Variants in PCDHGB3 observed in about 807,000 individuals in gnomAD.
PCDHGB3 encodes protocadherin gamma-B3.
Under a neutral mutation model 59.2 loss-of-function variants are expected in PCDHGB3, and 40 were observed. The observed-to-expected ratio is 0.68, with a 90% CI of 0.52 to 0.88. The LOEUF is 0.88. Ranked by LOEUF, PCDHGB3 falls within the 40% of genes least tolerant of loss-of-function variation. The pLI is 0.00. For synonymous variants in PCDHGB3, 581 were observed against 503.6 expected (o/e 1.15, Z -2.06); for missense variants, 1,309 against 1,187.9 (o/e 1.10, Z -1.50).
rs535002528 is a variant in PCDHGB3 at position 141,396,788 on chromosome 5, T to C, written c.2415+23979T>C. On this transcript the variant is annotated intron_variant, in intron 1 of 3. Transcript: ENST00000576222. ...GTTTGTTATTAATGAAAAGGACATT[T>C]CCTAAGGATTGTGTAGTGTTCTACT... Among the ~76,000 whole-genome samples, 53 of 152,322 alleles carry C rather than the reference T, an allele frequency of 3.5e-4. 2 individuals are homozygous for C. Among genetic ancestry groups the C allele is most frequent in the Admixed American group, 3.3e-3 (50 of 15,300 alleles).
In PCDHGB3 at chr5:141,370,889, T is replaced by C; in HGVS notation, c.495T>C (p.Asn165=). ...CGCAAGATCCTGATGTAGGTGTCAATTCGCTGCAGCAGTACTACCTCAGCC... is the reference window on the plus strand; with the variant it reads ...CGCAAGATCCTGATGTAGGTGTCAACTCGCTGCAGCAGTACTACCTCAGCC... ...ESAQDPDVGV[N]SLQQYYLSPD... Residue 165 remains asparagine (N), a synonymous_variant, in exon 1 of 4, where the codon AAT becomes AAC. Coordinates refer to ENST00000576222, the MANE Select transcript of PCDHGB3 (RefSeq NM_018924.5). 2.5e-6 allele frequency: 4 copies of C among 1,614,040 alleles called. No individual in the cohort carries two copies. Among genetic ancestry groups the C allele is most frequent in the Non-Finnish European group, 3.4e-6 (4 of 1,179,904 alleles).
rs762443906 is a variant in PCDHGB3, at chr5:141,374,173, G to C, written c.2415+1364G>C. The C allele has an allele frequency of 3.1e-6, 5 of 1,613,352 alleles. No homozygotes were observed. The South Asian group carries it at 4.4e-5, about 14-fold the overall frequency. ...CGCTGTGGGGGGCCGCGGCAGCGCA[G>C]ATCCGCTACTCTATTCCCGAGGAGC... On this transcript the variant is annotated intron_variant, in intron 1 of 3. Coordinates refer to ENST00000576222, the MANE Select transcript of PCDHGB3 (RefSeq NM_018924.5).
In PCDHGB3 at chr5:141,408,826, T is replaced by C. The variant is rs138252575; in HGVS notation, c.2415+36017T>C. ...TAGACCGGGAAGAACAGAGATCTCA[T>C]AGCTTGATATTGACTGCCTTGGACG... On this transcript the variant is annotated intron_variant, in intron 1 of 3. Coordinates refer to ENST00000576222, the MANE Select transcript of PCDHGB3 (RefSeq NM_018924.5). The C allele has an allele frequency of 6.1e-5, 98 of 1,613,582 alleles. No homozygotes were observed. The African/African-American group carries it at 9.9e-4, about 16-fold the overall frequency.
chr5:141,381,823 CTTCT>C (rs1777510060), intron 1 of PCDHGB3, among the ~76,000 whole-genome samples: 4 of 101,610 alleles, frequency 3.9e-5, no homozygotes, highest in African/African-American at 4.3e-5. Flanking sequence ...TTTCTTTCTT[CTTCT>C]TTTTTTTTTT....
chr5:141,411,765 T>A (rs796485295), intron 1 of PCDHGB3: 1 of 152,418 alleles, frequency 6.6e-6, no homozygotes, highest in South Asian at 2.1e-4. Context: ...GCCTGTGGTC[T>A]CAGCTACTCT....
At position 141,487,010 on chromosome 5, in the gene PCDHGB3, GC is replaced by G. The variant is rs2099638172; in HGVS notation, c.2416-7793del. ...TTGGGTTTCCTATCAGCTCCTGGAG[GC>G]CCCAGATCCCAGCCTGTTTGCAGTC... is the stretch of plus-strand genomic sequence containing the variant. On this transcript the variant is annotated intron_variant, in intron 1 of 3. Coordinates refer to ENST00000576222, the MANE Select transcript of PCDHGB3 (RefSeq NM_018924.5). This position sits in a 1 kb window ranked among gnomAD's most constrained non-coding sequence, Gnocchi z 5.0. 6.2e-7 allele frequency: 1 copy of G among 1,614,096 alleles called. No individual in the cohort carries two copies. Among genetic ancestry groups the G allele is most frequent in the Non-Finnish European group, 8.5e-7 (1 of 1,180,056 alleles).
intron 1 of PCDHGB3, among the ~76,000 whole-genome samples, chr5:141,453,993 A>T (rs2098779172): frequency 6.6e-6 from 1 of 152,234 alleles, no homozygotes; most frequent in African/African-American, 2.4e-5. Flanking sequence ...CCAGTGATAA[A>T]CCCACATAAC....
chr5:141,438,651 CAT>C (rs2098045358), intron 1 of PCDHGB3, among the ~76,000 whole-genome samples: 1 of 83,744 alleles, frequency 1.2e-5, no homozygotes, highest in East Asian at 3.2e-4. Context: ...CACACACACA[CAT>C]ATATGTATAT....
At chr5:141,460,010 G>A (rs376180479) in intron 1 of PCDHGB3, among the ~76,000 whole-genome samples, 1 of 152,126 alleles carries the variant, frequency 6.6e-6, no homozygotes, top group Admixed American at 6.5e-5. Context: ...CCCAGGAGGC[G>A]GAGGTTGCAG....
intron 1 of PCDHGB3, chr5:141,390,885 TGTGA>T (rs2092262333): frequency 6.5e-6 from 1 of 152,688 alleles, no homozygotes; most frequent in African/African-American, 2.4e-5. Flanking sequence ...TGTGTGTGTG[TGTGA>T]GAGAGATCCT....
chr5:141,402,091 G>C (rs1453803021), intron 1 of PCDHGB3, among the ~76,000 whole-genome samples: 2 of 152,088 alleles, frequency 1.3e-5, no homozygotes, highest in Non-Finnish European at 2.9e-5. Context: ...TAGCAGAAAA[G>C]TTTAAGCAAT....
chr5:141,410,849 C>G, intron 1 of PCDHGB3: 1 of 136,716 alleles, frequency 7.3e-6, no homozygotes, highest in Non-Finnish European at 1.2e-5. Flanking sequence ...TTGTCTTTGT[C>G]TTTTTTTTTT....
At chr5:141,405,054 C>T (rs773491411) in intron 1 of PCDHGB3, 7 of 1,613,806 alleles carry the variant, frequency 4.3e-6, no homozygotes, top group Admixed American at 1.7e-5. Flanking sequence ...GCAGTCGTCT[C>T]CTGTGTCTTC....
intron 1 of PCDHGB3, chr5:141,388,977 G>A (rs1299469066): frequency 6.2e-7 from 1 of 1,613,990 alleles, no homozygotes; most frequent in African/African-American, 1.3e-5. Context: ...AACACATATT[G>A]CTTTGCTCAA....
In PCDHGB3 at chr5:141,370,831, C is replaced by T. The variant is rs1445899321; in HGVS notation, c.437C>T (p.Ala146Val). The T allele has an allele frequency of 6.2e-7, 1 of 1,613,948 alleles. No homozygotes were observed. The highest frequency in any genetic ancestry group is 8.5e-7 in the Non-Finnish European group (1 of 1,179,912). ...NITELEISELALTGATFALES... is the reference protein window; with the variant it reads ...NITELEISELVLTGATFALES... ...ACTGAGCTGGAAATCAGCGAACTGG[C>T]TCTCACTGGAGCCACATTTGCCCTG... The change falls in exon 1 of 4, where the codon GCT becomes GTT. Residue 146 changes from alanine to valine, a missense_variant. Physicochemically the swap from Ala to Val is moderately conservative, Grantham distance 64. Coordinates refer to ENST00000576222, the MANE Select transcript of PCDHGB3 (RefSeq NM_018924.5).
At chr5:141,461,607 A>C (rs74634930) in intron 1 of PCDHGB3, among the ~76,000 whole-genome samples, 8,353 of 152,212 alleles carry the variant, frequency 0.055, 473 homozygotes, top group African/African-American at 0.15. Flanking sequence ...AATTTAGTTC[A>C]AAGTATTTTC....
rs1347978078 is a variant in PCDHGB3, at chr5:141,486,800, C to G, written c.2416-8007C>G. ...GGTGCAGGCCCGGGATCGGGGCAAC[C>G]CACCCCTTAGCAGCACTGTAACAGT... On this transcript the variant is annotated intron_variant, in intron 1 of 3. Coordinates refer to ENST00000576222, the MANE Select transcript of PCDHGB3 (RefSeq NM_018924.5). The surrounding 1 kb of genome is among the most constrained non-coding windows in gnomAD (Gnocchi z 5.0). 1.9e-6 allele frequency: 3 copies of G among 1,614,104 alleles called. No individual in the cohort carries two copies. In the Admixed American group the frequency reaches 5.0e-5, roughly 27 times the overall value.
At chr5:141,392,818 C>T (rs1306076998) in intron 1 of PCDHGB3, 1 of 1,589,068 alleles carries the variant, frequency 6.3e-7, no homozygotes, top group East Asian at 2.2e-5. Flanking sequence ...ACAACAATGG[C>T]CGCTCCACAG....
At chr5:141,394,552 G>T (rs368792885) in intron 1 of PCDHGB3, 4 of 1,614,070 alleles carry the variant, frequency 2.5e-6, no homozygotes, top group East Asian at 4.5e-5. Flanking sequence ...CTGGCGCCCC[G>T]CTCCGCAGAG....
Sources: gnomAD v4.1 joint callset for allele counts (sites outside exome capture counted in the v4.1 genomes callset) on GRCh38, gnomAD v4.1.1 for gene constraint, Gnocchi (gnomAD v3.1) non-coding constraint, MANE v1.5 for transcripts, NCBI Gene and HGNC (gene_info 2026-07-23, HGNC 2026-07-21) for gene names.